The following COMMD10 variants were observed in gnomAD, a reference collection of about 807,000 sequenced individuals.
COMMD10 encodes COMM domain containing 10.
A neutral mutation model predicts 28.9 loss-of-function variants in COMMD10; 33 were observed. The observed-to-expected ratio is 1.14, with a 90% CI of 0.87 to 1.53. The LOEUF is 1.53. Ranked by LOEUF, COMMD10 falls within the 40% of genes most tolerant of loss-of-function variation. The probability of loss-of-function intolerance (pLI) is 0.00; values close to 1 mark genes in which losing one functional copy is unlikely to be tolerated. For synonymous variants in COMMD10, 110 were observed against 81.7 expected (o/e 1.35, Z -1.87); for missense variants, 310 against 233.4 (o/e 1.33, Z -2.14).
At chr5:116,237,131 A>AT in intron 5 of COMMD10, among the ~76,000 whole-genome samples, 1 of 152,084 alleles carries the variant, frequency 6.6e-6, no homozygotes, top group Middle Eastern at 3.2e-3. Context: ...CAGAGGATAT[A>AT]ACTAGTACAA....
At chr5:116,252,339 A>T (rs988978969) in intron 5 of COMMD10, among the ~76,000 whole-genome samples, 1 of 142,208 alleles carries the variant, frequency 7.0e-6, no homozygotes, top group Non-Finnish European at 1.5e-5. Context: ...TTTTGTTGCC[A>T]TTGCTTTTGG....
At position 116,086,568 on chromosome 5, in the gene COMMD10, C is replaced by T. The variant is rs1421204800; in HGVS notation, c.42-929C>T. 2.0e-5 allele frequency among the ~76,000 whole-genome samples: 3 copies of T among 152,140 alleles called. No homozygotes were observed. The East Asian group carries it at 5.8e-4, about 30-fold the overall frequency. ...CCGCCTCCTGTGTTCAAGCGATTCT[C>T]CTCCCTGAGCCTCCTGAGTAGCTGG... On this transcript the variant is annotated intron_variant, in intron 1 of 6. Coordinates refer to ENST00000274458, the MANE Select transcript of COMMD10 (RefSeq NM_016144.4).
chr5:116,168,129 G>C (rs1753193700), intron 5 of COMMD10, among the ~76,000 whole-genome samples: 1 of 135,726 alleles, frequency 7.4e-6, no homozygotes. Flanking sequence ...ACAAATGGAT[G>C]GAGGAATATT....
chr5:116,153,604 A>G (rs1054494293), intron 5 of COMMD10, among the ~76,000 whole-genome samples: 2 of 151,728 alleles, frequency 1.3e-5, no homozygotes, highest in Non-Finnish European at 2.9e-5. Flanking sequence ...TTTTTTTCTC[A>G]TTGGAGCTTT....
chr5:116,096,030 TC>T (rs775835307), intron 4 of COMMD10, among the ~76,000 whole-genome samples: 16 of 152,258 alleles, frequency 1.1e-4, no homozygotes, highest in Non-Finnish European at 1.6e-4. Flanking sequence ...AGTGTTAAAA[TC>T]AGGTATTGTG....
At chr5:116,110,132 A>G (rs1263808479) in intron 4 of COMMD10, among the ~76,000 whole-genome samples, 1 of 152,176 alleles carries the variant, frequency 6.6e-6, no homozygotes, top group African/African-American at 2.4e-5. Flanking sequence ...GTTTGATCAT[A>G]AAGTTTTTCT....
chr5:116,123,161 A>T (rs988597554), intron 4 of COMMD10, among the ~76,000 whole-genome samples: 6 of 152,102 alleles, frequency 3.9e-5, no homozygotes, highest in African/African-American at 1.4e-4. Context: ...TACTTAGTTT[A>T]TTGGAATACC....
At chr5:116,122,750 A>T (rs912518656) in intron 4 of COMMD10, among the ~76,000 whole-genome samples, 17 of 152,124 alleles carry the variant, frequency 1.1e-4, no homozygotes, top group Non-Finnish European at 4.4e-5. Context: ...GCAATTGTGA[A>T]TGGGAGTTCA....
At chr5:116,212,694 A>G (rs1350165063) in intron 5 of COMMD10, among the ~76,000 whole-genome samples, 4 of 152,020 alleles carry the variant, frequency 2.6e-5, no homozygotes, top group Non-Finnish European at 4.4e-5. Context: ...ATCACATTTT[A>G]TGAGACCAAC....
At chr5:116,186,502 C>T (rs559978571) in intron 5 of COMMD10, among the ~76,000 whole-genome samples, 1 of 152,256 alleles carries the variant, frequency 6.6e-6, no homozygotes, top group Non-Finnish European at 1.5e-5. Context: ...TCCTCAACTC[C>T]TCCCACCTAA....
chr5:116,202,639 A>G (rs1580544767), intron 5 of COMMD10, among the ~76,000 whole-genome samples: 1 of 152,092 alleles, frequency 6.6e-6, no homozygotes, highest in Middle Eastern at 3.4e-3. Context: ...ATGGCCAGTG[A>G]TGATGAGCAT....
chr5:116,281,792 G>A (rs1375794727), intron 5 of COMMD10, among the ~76,000 whole-genome samples: 2 of 151,854 alleles, frequency 1.3e-5, no homozygotes, highest in Non-Finnish European at 2.9e-5. Flanking sequence ...AAAATACTGT[G>A]CAGAAAACGT....
chr5:116,277,381 A>G (rs1318635110), intron 5 of COMMD10, among the ~76,000 whole-genome samples: 1 of 151,936 alleles, frequency 6.6e-6, no homozygotes, highest in Non-Finnish European at 1.5e-5. Flanking sequence ...ATGTGCATGG[A>G]AAAATGAACT....
At chr5:116,189,322 C>G (rs1000905239) in intron 5 of COMMD10, among the ~76,000 whole-genome samples, 1 of 152,182 alleles carries the variant, frequency 6.6e-6, no homozygotes, top group African/African-American at 2.4e-5. Flanking sequence ...CCACCTCAGC[C>G]TCTAGTGGCT....
intron 5 of COMMD10, among the ~76,000 whole-genome samples, chr5:116,287,457 A>G (rs529230790): frequency 1.3e-4 from 20 of 151,730 alleles, no homozygotes; most frequent in South Asian, 1.2e-3. Flanking sequence ...CTTTCAGCCT[A>G]TGTGTATTGT....
At chr5:116,137,989 A>C (rs1398493054) in intron 5 of COMMD10, among the ~76,000 whole-genome samples, 2 of 151,940 alleles carry the variant, frequency 1.3e-5, no homozygotes, top group Non-Finnish European at 2.9e-5. Context: ...GGGGCAGTAG[A>C]GTGCTTTGCT....
At chr5:116,126,198 C>A (rs113600743) in intron 4 of COMMD10, among the ~76,000 whole-genome samples, 8,123 of 152,144 alleles carry the variant, frequency 0.053, 307 homozygotes, top group African/African-American at 0.11. Context: ...AATAAAATAC[C>A]TAGGAATCCA....
chr5:116,121,549 A>AT (rs1751435786), intron 4 of COMMD10, among the ~76,000 whole-genome samples: 1 of 152,224 alleles, frequency 6.6e-6, no homozygotes. Context: ...TCCTTGAGGA[A>AT]TCGCCACACT....
chr5:116,263,375 C>G (rs185030343), intron 5 of COMMD10, among the ~76,000 whole-genome samples: 36 of 151,764 alleles, frequency 2.4e-4, no homozygotes, highest in African/African-American at 8.5e-4. Flanking sequence ...CATAACATTA[C>G]GAGACAAGGA....
Sources: allele counts gnomAD v4.1 joint callset (sites outside exome capture counted in the v4.1 genomes callset), GRCh38; gene constraint gnomAD v4.1.1; transcripts MANE v1.5; gene names NCBI Gene and HGNC (gene_info 2026-07-23, HGNC 2026-07-21).